The following PITPNM2 variants were observed in gnomAD, a reference collection of about 807,000 sequenced individuals.
PITPNM2 encodes phosphatidylinositol transfer protein membrane associated 2, also known as membrane-associated phosphatidylinositol transfer protein 2.
A neutral mutation model predicts 132.2 loss-of-function variants in PITPNM2; 35 were observed. That is an observed-to-expected ratio of 0.26 (90% CI 0.20 to 0.35). The LOEUF (loss-of-function observed/expected upper bound fraction) is 0.35, where lower values mean the gene tolerates loss of function less well. Ranked by LOEUF, PITPNM2 falls within the 10% of genes least tolerant of loss-of-function variation. PITPNM2 has a pLI of 1.00. For synonymous variants in PITPNM2, 738 were observed against 799.2 expected (o/e 0.92, Z 1.29); for missense variants, 1,332 against 1,912.0 (o/e 0.70, Z 5.66).
chr12:123,063,413 C>T (rs1055037424), intron 2 of PITPNM2, among the ~76,000 whole-genome samples: 4 of 152,236 alleles, frequency 2.6e-5, no homozygotes, highest in African/African-American at 9.6e-5. Flanking sequence ...GTGAGAGGCA[C>T]ACAGGAGCCC....
chr12:122,996,374 G>A, intron 13 of PITPNM2, 84 bp downstream of exon 13: 2 of 1,556,638 alleles, frequency 1.3e-6, no homozygotes, highest in South Asian at 1.2e-5. Context: ...CTGGGGCCAG[G>A]TGCAGGAACA....
rs937564 is a variant in PITPNM2, at chr12:122,992,764, T to C, written c.2234-95A>G. The C allele has an allele frequency of 0.79, 755,358 of 960,834 alleles. 298,182 individuals are homozygous for C. The highest frequency in any genetic ancestry group is 0.87 in the East Asian group (31,808 of 36,754). The allele number at this position is 960,834 out of a possible 1,614,324, so 59.5% of individuals were successfully genotyped here. A position where few individuals can be genotyped will look rare whatever the true frequency, so the allele number is the denominator to read the frequency against. On this transcript the variant is annotated intron_variant, in intron 15 of 25. Coordinates refer to ENST00000320201, the MANE Select transcript of PITPNM2 (RefSeq NM_020845.3). The surrounding 1 kb of genome is among the most constrained non-coding windows in gnomAD (Gnocchi z 6.5). ...GGGAACTGGGCACTGGGTTGTCTGC[T>C]GAAAGTTAGGGATAAGATGGGGGGT...
At chr12:123,074,283 A>G (rs1170666198) in intron 2 of PITPNM2, among the ~76,000 whole-genome samples, 1 of 152,228 alleles carries the variant, frequency 6.6e-6, no homozygotes, top group African/African-American at 2.4e-5. Flanking sequence ...CCCAGTGCAG[A>G]CATAGGTTAA....
intron 17 of PITPNM2, among the ~76,000 whole-genome samples, chr12:122,990,279 T>C (rs948048224): frequency 3.3e-5 from 5 of 152,240 alleles, no homozygotes; most frequent in Admixed American, 1.3e-4. Context: ...CCCTTACTAA[T>C]GCGCCTTCTT....
At chr12:123,104,317 C>T (rs1216788677) in intron 2 of PITPNM2, among the ~76,000 whole-genome samples, 1 of 152,210 alleles carries the variant, frequency 6.6e-6, no homozygotes, top group Non-Finnish European at 1.5e-5. Flanking sequence ...CCTCTGAGCC[C>T]GAGCCAAGCC....
At chr12:123,026,439 G>C (rs2039865929) in intron 3 of PITPNM2, among the ~76,000 whole-genome samples, 1 of 152,244 alleles carries the variant, frequency 6.6e-6, no homozygotes, top group Non-Finnish European at 1.5e-5. Flanking sequence ...AACTGTGAAA[G>C]AATAAATGTC....
chr12:123,094,894 C>T (rs2042366967), intron 2 of PITPNM2, among the ~76,000 whole-genome samples: 1 of 152,224 alleles, frequency 6.6e-6, no homozygotes, highest in African/African-American at 2.4e-5. Flanking sequence ...TGCAGCCACA[C>T]AACCTCTCCT....
In PITPNM2 at chr12:123,005,129, C is replaced by T; in HGVS notation, c.952+111G>A. On this transcript the variant is annotated intron_variant, in intron 7 of 25. Coordinates refer to ENST00000320201, the MANE Select transcript of PITPNM2 (RefSeq NM_020845.3). The surrounding 1 kb of genome is among the most constrained non-coding windows in gnomAD (Gnocchi z 6.2). ...CTCTGACTCCCTCTGGGCTTGGTGCCTCAATGTCCATGGGAAAGAACTCTG... is the reference window on the plus strand; with the variant it reads ...CTCTGACTCCCTCTGGGCTTGGTGCTTCAATGTCCATGGGAAAGAACTCTG... 3.0e-6 allele frequency: 4 copies of T among 1,344,810 alleles called. No individual in the cohort carries two copies. Among genetic ancestry groups the T allele is most frequent in the Non-Finnish European group, 4.1e-6 (4 of 979,556 alleles). 83.3% of individuals were successfully genotyped at this position (1,344,810 alleles called of 1,614,324 possible). A position where few individuals can be genotyped will look rare whatever the true frequency, so the allele number is the denominator to read the frequency against.
rs1400978533 is a variant in PITPNM2 at position 123,077,681 on chromosome 12, C to A, written c.-96+32704G>T. On this transcript the variant is annotated intron_variant, in intron 2 of 25. Coordinates refer to ENST00000320201, the MANE Select transcript of PITPNM2 (RefSeq NM_020845.3). This position sits in a 1 kb window ranked among gnomAD's most constrained non-coding sequence, Gnocchi z 4.8. ...GAGGCCTCTCCCTCTCTCTCTCCCT[C>A]CATCCCAGCTCTTCGGAGAGAAAGC... Among the ~76,000 whole-genome samples, 8 of 152,238 alleles carry A rather than the reference C, an allele frequency of 5.3e-5. No individual in the cohort carries two copies. The highest frequency in any genetic ancestry group is 1.2e-4 in the Non-Finnish European group (8 of 68,038).
At position 122,990,720 on chromosome 12, in the gene PITPNM2, AC is replaced by A; in HGVS notation, c.2405-12del. On this transcript the variant is annotated splice_polypyrimidine_tract_variant and intron_variant, in intron 16 of 25. Coordinates refer to ENST00000320201, the MANE Select transcript of PITPNM2 (RefSeq NM_020845.3). ...TCTGGAGCACATCCGCTGCAGGTGGACAGGGACCAGAGGCCAGGTAAGAGAG... is the reference window on the plus strand; with the variant it reads ...TCTGGAGCACATCCGCTGCAGGTGGAAGGGACCAGAGGCCAGGTAAGAGAG... The A allele has an allele frequency of 6.3e-7, 1 of 1,590,806 alleles. No individual in the cohort carries two copies.
upstream of PITPNM2, among the ~76,000 whole-genome samples, chr12:123,151,453 A>T (rs2043751293): frequency 6.6e-6 from 1 of 152,094 alleles, no homozygotes; most frequent in South Asian, 2.1e-4. Context: ...GCCTCATTTT[A>T]AAAAATGAAG....
chr12:123,017,045 CAA>C (rs1240479984), intron 3 of PITPNM2, among the ~76,000 whole-genome samples: 5 of 82,552 alleles, frequency 6.1e-5, no homozygotes, highest in Admixed American at 1.4e-4. Flanking sequence ...GACTCCATCT[CAA>C]AAAAAAAAAA....
intron 2 of PITPNM2, among the ~76,000 whole-genome samples, chr12:123,060,253 TCACCAAAG>T (rs987181597): frequency 6.6e-6 from 1 of 152,248 alleles, no homozygotes; most frequent in African/African-American, 2.4e-5. Context: ...TCACCTTCAT[TCACCAAAG>T]CACCCTGAGC....
chr12:123,114,228 AATAAG>A (rs1194717213), intron 1 of PITPNM2, among the ~76,000 whole-genome samples: 1 of 152,016 alleles, frequency 6.6e-6, no homozygotes, highest in Non-Finnish European at 1.5e-5. Context: ...CTAATTTTTT[AATAAG>A]ATAACATCAC....
chr12:123,020,387 C>G (rs886987646), intron 3 of PITPNM2, among the ~76,000 whole-genome samples: 1 of 152,146 alleles, frequency 6.6e-6, no homozygotes, highest in Non-Finnish European at 1.5e-5. Context: ...TCCCAAAGTG[C>G]TGGGATTACA....
At chr12:123,072,983 C>A (rs2041660181) in intron 2 of PITPNM2, among the ~76,000 whole-genome samples, 3 of 152,218 alleles carry the variant, frequency 2.0e-5, no homozygotes, top group Non-Finnish European at 4.4e-5. Flanking sequence ...GAGAGCCCTG[C>A]CTCTTGAGAG....
intron 1 of PITPNM2, among the ~76,000 whole-genome samples, chr12:123,118,799 C>T (rs1452979271): frequency 3.3e-5 from 5 of 152,306 alleles, no homozygotes; most frequent in South Asian, 2.1e-4. Flanking sequence ...AATGTCAACA[C>T]GGCAGCACCA....
At chr12:122,998,267 AG>A (rs1329758556) in intron 10 of PITPNM2, among the ~76,000 whole-genome samples, 1 of 152,160 alleles carries the variant, frequency 6.6e-6, no homozygotes, top group Non-Finnish European at 1.5e-5. Flanking sequence ...CTTAGAGAGG[AG>A]GTCGATCAGA....
At chr12:123,145,229 T>C (rs1055996415) in intron 1 of PITPNM2, among the ~76,000 whole-genome samples, 15 of 152,116 alleles carry the variant, frequency 9.9e-5, no homozygotes, top group African/African-American at 3.6e-4. Flanking sequence ...ATCAAATAAC[T>C]ATGCATACAT....
Sources: gnomAD v4.1 joint callset for allele counts (sites outside exome capture counted in the v4.1 genomes callset) on GRCh38, gnomAD v4.1.1 for gene constraint, Gnocchi (gnomAD v3.1) non-coding constraint, MANE v1.5 for transcripts, NCBI Gene and HGNC (gene_info 2026-07-23, HGNC 2026-07-21) for gene names.